GALNT12: variants seen among roughly 807,000 people sequenced by gnomAD.
GALNT12 encodes polypeptide N-acetylgalactosaminyltransferase 12.
A neutral mutation model predicts 55.5 loss-of-function variants in GALNT12; 45 were observed. The observed-to-expected ratio is 0.81, with a 90% CI of 0.64 to 1.04. The LOEUF is 1.04. Ranked by LOEUF, GALNT12 falls within the 50% of genes least tolerant of loss-of-function variation. The probability of loss-of-function intolerance (pLI) is 0.00; values close to 1 mark genes in which losing one functional copy is unlikely to be tolerated. For synonymous variants in GALNT12, 304 were observed against 312.2 expected, an observed-to-expected ratio of 0.97 and a Z score of 0.28; for missense variants, 709 against 754.8, an observed-to-expected ratio of 0.94 and a Z score of 0.71.
chr9:98,827,939 G>T (rs1012265680), intron 3 of GALNT12, among the ~76,000 whole-genome samples: 1 of 152,092 alleles, frequency 6.6e-6, no homozygotes, highest in African/African-American at 2.4e-5. Context: ...ACCATCTACT[G>T]GGGCCCACTT....
At chr9:98,819,170 G>A (rs1835680304) in intron 1 of GALNT12, among the ~76,000 whole-genome samples, 1 of 152,208 alleles carries the variant, frequency 6.6e-6, no homozygotes, top group African/African-American at 2.4e-5. Flanking sequence ...GTCACATACT[G>A]TTTCTCCTGC....
rs2118504226 is a variant in GALNT12 at position 98,845,964 on chromosome 9, G to A, written c.1459-13G>A. 6.2e-7 allele frequency: 1 copy of A among 1,613,916 alleles called. No homozygotes were observed. The highest frequency in any genetic ancestry group is 8.5e-7 in the Non-Finnish European group (1 of 1,179,886). On this transcript the variant is annotated splice_polypyrimidine_tract_variant and intron_variant, in intron 8 of 9. Transcript: ENST00000375011. Reference sequence around the variant, plus strand: ...GAAAATGTTGTGTTACATGTTGGCTGCCCCATTTTTAGTTTTTCGAGTACA... The same window carrying A: ...GAAAATGTTGTGTTACATGTTGGCTACCCCATTTTTAGTTTTTCGAGTACA...
In GALNT12 at chr9:98,837,168, T is replaced by C. The variant is rs1382217842; in HGVS notation, c.1212+20T>C. The C allele has an allele frequency of 6.2e-7, 1 of 1,613,430 alleles. No homozygotes were observed. Reference sequence around the variant, plus strand: ...CGCTTGGTGAGTTCCTCGGCCCACCTGCACTCCATCTGGCTTCATCTGAAC... The same window carrying C: ...CGCTTGGTGAGTTCCTCGGCCCACCCGCACTCCATCTGGCTTCATCTGAAC... On this transcript the variant is annotated intron_variant, in intron 6 of 9. Coordinates refer to ENST00000375011, the MANE Select transcript of GALNT12 (RefSeq NM_024642.5).
intron 1 of GALNT12, 22 bp downstream of exon 1, chr9:98,808,091 G>A (rs2118258795): frequency 6.5e-7 from 1 of 1,548,676 alleles, no homozygotes. Context: ...GCTCTGGGGA[G>A]GAAGCCCGCC....
intron 3 of GALNT12, among the ~76,000 whole-genome samples, chr9:98,831,492 A>G (rs1350500335): frequency 1.3e-5 from 2 of 152,226 alleles, no homozygotes; most frequent in African/African-American, 2.4e-5. Flanking sequence ...TTGAAATCAT[A>G]GAGCGTTTGG....
intron 1 of GALNT12, among the ~76,000 whole-genome samples, chr9:98,816,100 T>A (rs1835604763): frequency 6.6e-6 from 1 of 152,216 alleles, no homozygotes; most frequent in Admixed American, 6.5e-5. Flanking sequence ...TTCTTCTTGT[T>A]CGACATTGAA....
At chr9:98,833,257 G>C (rs984009657) in intron 4 of GALNT12, among the ~76,000 whole-genome samples, 1 of 152,182 alleles carries the variant, frequency 6.6e-6, no homozygotes, top group Non-Finnish European at 1.5e-5. Flanking sequence ...CCTCACCGCT[G>C]GTGTGTTGAA....
intron 7 of GALNT12, among the ~76,000 whole-genome samples, chr9:98,843,071 G>C (rs867988702): frequency 7.3e-4 from 111 of 152,256 alleles, no homozygotes; most frequent in African/African-American, 2.4e-3. Context: ...GGCAGAGAAA[G>C]GAAATTCGTA....
intron 9 of GALNT12, 26 bp downstream of exon 9, chr9:98,846,149 T>G: frequency 6.2e-7 from 1 of 1,613,742 alleles, no homozygotes; most frequent in Non-Finnish European, 8.5e-7. Context: ...CCTTCCTTCC[T>G]GCTGACAGTC....
At chr9:98,844,242 T>C (rs546282831) in intron 8 of GALNT12, 33 bp downstream of exon 8, 1 of 1,330,254 alleles carries the variant, frequency 7.5e-7, no homozygotes, top group Non-Finnish European at 1.1e-6. Flanking sequence ...GAGAAAGCTG[T>C]GTGTTTTGTT....
At chr9:98,845,853 T>C in intron 8 of GALNT12, 124 bp from the exon 9 acceptor site, 1 of 944,858 alleles carries the variant, frequency 1.1e-6, no homozygotes, top group South Asian at 1.4e-5. Flanking sequence ...AGGCTCGTGT[T>C]GGTGGTGACG....
At chr9:98,822,515 C>G (rs929031287) in intron 1 of GALNT12, among the ~76,000 whole-genome samples, 2 of 152,234 alleles carry the variant, frequency 1.3e-5, no homozygotes, top group African/African-American at 4.8e-5. Context: ...CCCACCCCAC[C>G]ACATGACTAC....
At chr9:98,839,295 T>C (rs1836230167) in intron 6 of GALNT12, among the ~76,000 whole-genome samples, 1 of 152,234 alleles carries the variant, frequency 6.6e-6, no homozygotes, top group African/African-American at 2.4e-5. Flanking sequence ...CATGTACTTA[T>C]TATTACCATT....
intron 1 of GALNT12, among the ~76,000 whole-genome samples, chr9:98,820,253 C>T (rs2118334165): frequency 6.6e-6 from 1 of 152,288 alleles, no homozygotes; most frequent in African/African-American, 2.4e-5. Flanking sequence ...CCTCCTCCCA[C>T]CCCCGACGAC....
At position 98,849,342 on chromosome 9, in the gene GALNT12, C is replaced by T. The variant is rs1836497566; in HGVS notation, c.*250C>T. On this transcript the variant is annotated 3_prime_UTR_variant, in exon 10 of 10. Transcript: ENST00000375011. Reference sequence around the variant, plus strand: ...TCAAAGGGTAATCGTAAGATGTTAACCCTTGGTATTTAGAAAATTAAAACC... The same window carrying T: ...TCAAAGGGTAATCGTAAGATGTTAATCCTTGGTATTTAGAAAATTAAAACC... 1.7e-6 allele frequency: 1 copy of T among 584,948 alleles called. No individual in the cohort carries two copies. 36.2% of individuals were successfully genotyped at this position (584,948 alleles called of 1,614,324 possible).
rs560978953 is a variant in GALNT12, at chr9:98,840,722, A to T, written c.1344+589A>T. On this transcript the variant is annotated intron_variant, in intron 7 of 9. Coordinates refer to ENST00000375011, the MANE Select transcript of GALNT12 (RefSeq NM_024642.5). Reference sequence around the variant, plus strand: ...ATTCATGTTACATTCTATTTTCATTATGAAAATATTCAAACATATAGAAAT... The same window carrying T: ...ATTCATGTTACATTCTATTTTCATTTTGAAAATATTCAAACATATAGAAAT... Among the ~76,000 whole-genome samples, 229 of 152,328 alleles carry T rather than the reference A, an allele frequency of 1.5e-3. 3 individuals are homozygous for T. Among genetic ancestry groups the T allele is most frequent in the African/African-American group, 4.9e-3 (202 of 41,588 alleles).
At chr9:98,825,739 C>A (rs2118370057) in intron 2 of GALNT12, among the ~76,000 whole-genome samples, 1 of 152,146 alleles carries the variant, frequency 6.6e-6, no homozygotes, top group Admixed American at 6.5e-5. Context: ...CTTTGGGAGG[C>A]CAAGGTGGGA....
chr9:98,815,652 A>C (rs976107541), intron 1 of GALNT12, among the ~76,000 whole-genome samples: 2 of 152,246 alleles, frequency 1.3e-5, no homozygotes, highest in African/African-American at 2.4e-5. Context: ...AAGAAATATG[A>C]TCTAATCTTT....
Position 98,832,978 on chromosome 9 carries a change from A to G in GALNT12, c.917+1021A>G, listed in dbSNP as rs187328905. Among the ~76,000 whole-genome samples the G allele has an allele frequency of 2.0e-5, 3 of 152,262 alleles. 1 individual carries two copies. In the East Asian group the frequency reaches 5.8e-4, roughly 29 times the overall value. On this transcript the variant is annotated intron_variant, in intron 4 of 9. Transcript: ENST00000375011. ...TTTCCATTCTTTTGGGTATACACCT[A>G]GGAGTGGGATTGCTGGTCATATGCT...
Sources: gnomAD v4.1 joint callset for allele counts (sites outside exome capture counted in the v4.1 genomes callset) on GRCh38, gnomAD v4.1.1 for gene constraint, MANE v1.5 for transcripts, NCBI Gene and HGNC (gene_info 2026-07-23, HGNC 2026-07-21) for gene names.